PARP8: variants seen among roughly 807,000 people sequenced by gnomAD.
The protein encoded by PARP8 is poly(ADP-ribose) polymerase family member 8.
In PARP8, 51 loss-of-function variants were observed where a neutral mutation model predicts 124.1. The ratio of observed to expected loss-of-function variants is 0.41; its 90% CI spans 0.33 to 0.52. PARP8 has a LOEUF of 0.52. Among genes scored for constraint, PARP8 ranks in the 20% least tolerant of loss-of-function variants. The pLI, the probability that PARP8 is intolerant of heterozygous loss-of-function variation, is 0.21. For missense variants in PARP8, 860 were observed against 1,018.9 expected (o/e 0.84, Z 2.12); for synonymous variants, 391 against 361.5 (o/e 1.08, Z -0.93).
chr5:50,728,486 A>C (rs1213497471), intron 2 of PARP8, among the ~76,000 whole-genome samples: 1 of 151,996 alleles, frequency 6.6e-6, no homozygotes, highest in African/African-American at 2.4e-5. Flanking sequence ...GCAGTTTATC[A>C]ATCTGTCTAT....
At chr5:50,715,761 G>A (rs1007993805) in intron 2 of PARP8, among the ~76,000 whole-genome samples, 3 of 152,032 alleles carry the variant, frequency 2.0e-5, no homozygotes, top group African/African-American at 7.2e-5. Flanking sequence ...TTCTATGCTT[G>A]TATGAAATTG....
chr5:50,841,107 A>G (rs1748131652), intron 25 of PARP8, among the ~76,000 whole-genome samples: 1 of 151,816 alleles, frequency 6.6e-6, no homozygotes, highest in South Asian at 2.1e-4. Flanking sequence ...AATCTTTGAG[A>G]TGCTGTGCTT....
chr5:50,777,346 C>T (rs1249968322), intron 7 of PARP8, among the ~76,000 whole-genome samples: 2 of 152,290 alleles, frequency 1.3e-5, no homozygotes, highest in East Asian at 3.9e-4. Flanking sequence ...GTTTTTATCT[C>T]TCACTATGCA....
chr5:50,830,601 T>C (rs1054346026), intron 22 of PARP8, among the ~76,000 whole-genome samples: 1 of 152,204 alleles, frequency 6.6e-6, no homozygotes, highest in Non-Finnish European at 1.5e-5. Context: ...TTTACAATGA[T>C]CAGCATGATT....
At chr5:50,738,038 G>A (rs948116827) in intron 2 of PARP8, among the ~76,000 whole-genome samples, 6 of 152,172 alleles carry the variant, frequency 3.9e-5, no homozygotes, top group Admixed American at 6.5e-5. Flanking sequence ...TAACCACTTA[G>A]AAATACCATT....
intron 14 of PARP8, among the ~76,000 whole-genome samples, chr5:50,800,715 A>G (rs1743107764): frequency 6.7e-6 from 1 of 149,000 alleles, no homozygotes; most frequent in East Asian, 1.9e-4. Context: ...ATTTTTTGAT[A>G]TGCACTAACA....
intron 14 of PARP8, among the ~76,000 whole-genome samples, chr5:50,814,496 A>G (rs1323891856): frequency 2.0e-5 from 3 of 152,122 alleles, no homozygotes; most frequent in Admixed American, 6.6e-5. Context: ...AAGGAAATAT[A>G]TAGATTCATT....
At chr5:50,736,809 A>C (rs1218152481) in intron 2 of PARP8, among the ~76,000 whole-genome samples, 1 of 152,080 alleles carries the variant, frequency 6.6e-6, no homozygotes, top group Admixed American at 6.6e-5. Flanking sequence ...AATAATTTCC[A>C]AAGGTAATTC....
At chr5:50,680,009 G>C (rs1216265730) in intron 2 of PARP8, among the ~76,000 whole-genome samples, 1 of 152,122 alleles carries the variant, frequency 6.6e-6, no homozygotes, top group African/African-American at 2.4e-5. Flanking sequence ...AGAAAAAGGT[G>C]GCTGGAACAA....
Position 50,781,052 on chromosome 5 carries a change from A to G in PARP8, c.670+2402A>G, listed in dbSNP as rs10056836. Reference sequence around the variant, plus strand: ...ATTTATTATTCCTTCTTTACCTGCTAATCCCAATATGCTGGTTGGATCTAA... The same window carrying G: ...ATTTATTATTCCTTCTTTACCTGCTGATCCCAATATGCTGGTTGGATCTAA... On this transcript the variant is annotated intron_variant, in intron 9 of 25. Transcript: ENST00000281631. Among the ~76,000 whole-genome samples the G allele has an allele frequency of 6.9e-3, 1,055 of 152,242 alleles. 8 individuals are homozygous for G. The highest frequency in any genetic ancestry group is 0.039 in the East Asian group (203 of 5,172).
chr5:50,741,814 CTT>C (rs558645653), intron 2 of PARP8: 1,369 of 386,954 alleles, frequency 3.5e-3, no homozygotes, highest in East Asian at 6.6e-3. Context: ...TTCTTTTCTT[CTT>C]TTTTTTTTTT....
intron 14 of PARP8, among the ~76,000 whole-genome samples, chr5:50,800,567 T>G (rs562396162): frequency 6.6e-6 from 1 of 152,256 alleles, no homozygotes; most frequent in Admixed American, 6.5e-5. Context: ...ACTTACCAGG[T>G]TGAGAAAAAT....
At chr5:50,816,986 A>G (rs773770738) in intron 15 of PARP8, among the ~76,000 whole-genome samples, 5 of 152,188 alleles carry the variant, frequency 3.3e-5, no homozygotes, top group Non-Finnish European at 7.4e-5. Context: ...GTATGCTCAC[A>G]TGTATATTTA....
intron 2 of PARP8, among the ~76,000 whole-genome samples, chr5:50,746,841 A>G (rs1356885851): frequency 6.6e-6 from 1 of 152,142 alleles, no homozygotes. Flanking sequence ...AGCCTGGGCA[A>G]TATAACAAGA....
intron 14 of PARP8, among the ~76,000 whole-genome samples, chr5:50,802,727 G>A (rs983638431): frequency 2.0e-5 from 3 of 152,014 alleles, no homozygotes; most frequent in Admixed American, 6.6e-5. Context: ...TTTATATTAT[G>A]TGCCCATCAA....
chr5:50,768,449 A>T (rs1247763021), intron 7 of PARP8, among the ~76,000 whole-genome samples: 1 of 152,216 alleles, frequency 6.6e-6, no homozygotes, highest in African/African-American at 2.4e-5. Flanking sequence ...TTAATATGTC[A>T]CTACATGTCG....
chr5:50,690,073 T>G (rs929230624), intron 2 of PARP8, among the ~76,000 whole-genome samples: 1 of 152,198 alleles, frequency 6.6e-6, no homozygotes, highest in Non-Finnish European at 1.5e-5. Context: ...CTCTGCAACA[T>G]AGGAAACAAA....
chr5:50,789,737 T>G (rs1741735363), intron 10 of PARP8, among the ~76,000 whole-genome samples: 1 of 152,238 alleles, frequency 6.6e-6, no homozygotes, highest in Non-Finnish European at 1.5e-5. Context: ...TTCTTCCAAA[T>G]CTGCAAATTT....
Position 50,685,209 on chromosome 5 carries a change from C to T in PARP8, c.146+17084C>T, listed in dbSNP as rs544548729. Among the ~76,000 whole-genome samples the T allele has an allele frequency of 3.3e-5, 5 of 152,276 alleles. 1 individual carries two copies. Among genetic ancestry groups the T allele is most frequent in the African/African-American group, 1.2e-4 (5 of 41,538 alleles). ...TTGACATTCCCACATGTCAGGATGCCTTCATTTGCTAATGACAGAATACCC... is the reference window on the plus strand; with the variant it reads ...TTGACATTCCCACATGTCAGGATGCTTTCATTTGCTAATGACAGAATACCC... On this transcript the variant is annotated intron_variant, in intron 2 of 25. Coordinates refer to ENST00000281631, the MANE Select transcript of PARP8 (RefSeq NM_024615.4).
Sources: gnomAD v4.1 joint callset for allele counts (sites outside exome capture counted in the v4.1 genomes callset) on GRCh38, gnomAD v4.1.1 for gene constraint, MANE v1.5 for transcripts, NCBI Gene and HGNC (gene_info 2026-07-23, HGNC 2026-07-21) for gene names.